Variants in ITPR2 observed in about 807,000 individuals in gnomAD.
ITPR2 encodes inositol 1,4,5-trisphosphate-gated calcium channel ITPR2.
Under a neutral mutation model 317.1 loss-of-function variants are expected in ITPR2, and 207 were observed. The observed-to-expected ratio is 0.65, with a 90% CI of 0.58 to 0.73. ITPR2 has a LOEUF of 0.73. Ranked by LOEUF, ITPR2 falls within the 30% of genes least tolerant of loss-of-function variation. ITPR2 has a pLI of 0.00. For synonymous variants in ITPR2, 1,156 were observed against 1,149.1 expected (o/e 1.01, Z -0.12); for missense variants, 2,613 against 3,284.0 (o/e 0.80, Z 4.99).
chr12:26,358,754 T>G (rs1938724717), intron 55 of ITPR2, among the ~76,000 whole-genome samples: 1 of 152,188 alleles, frequency 6.6e-6, no homozygotes, highest in African/African-American at 2.4e-5. Context: ...GGGCCTTAAG[T>G]GATCCAGTCT....
At chr12:26,565,742 G>A (rs1944941207) in intron 34 of ITPR2, among the ~76,000 whole-genome samples, 1 of 151,032 alleles carries the variant, frequency 6.6e-6, no homozygotes, top group Non-Finnish European at 1.5e-5. Flanking sequence ...GTTTGAGGTT[G>A]TAGTACACTG....
At chr12:26,440,249 A>G (rs944974679) in intron 46 of ITPR2, among the ~76,000 whole-genome samples, 2 of 152,112 alleles carry the variant, frequency 1.3e-5, no homozygotes, top group East Asian at 1.9e-4. Context: ...AACCAAATAC[A>G]CGAAAACAAA....
chr12:26,793,404 T>C (rs1950377147), intron 1 of ITPR2, among the ~76,000 whole-genome samples: 1 of 152,144 alleles, frequency 6.6e-6, no homozygotes, highest in Admixed American at 6.5e-5. Flanking sequence ...TGTCCAGACC[T>C]ATTAGAATAA....
At chr12:26,442,393 G>C (rs1289442882) in intron 46 of ITPR2, among the ~76,000 whole-genome samples, 1 of 152,092 alleles carries the variant, frequency 6.6e-6, no homozygotes, top group African/African-American at 2.4e-5. Context: ...AACATGTACT[G>C]AATGTGTGTA....
chr12:26,669,882 C>G (rs1365930667), intron 13 of ITPR2, among the ~76,000 whole-genome samples: 1 of 152,246 alleles, frequency 6.6e-6, no homozygotes, highest in Non-Finnish European at 1.5e-5. Flanking sequence ...AAAAACGGCG[C>G]ACCAGGAGAT....
chr12:26,340,236 C>T lies in ITPR2; in HGVS notation c.7950G>A (p.Gln2650=). The T allele has an allele frequency of 1.2e-6, 2 of 1,611,318 alleles. No individual in the cohort carries two copies. Among genetic ancestry groups the T allele is most frequent in the Non-Finnish European group, 1.7e-6 (2 of 1,178,856 alleles). The change falls in exon 56 of 57, where the codon CAG becomes CAA. Residue 2650 remains glutamine (Q), a synonymous_variant. Coordinates refer to ENST00000381340, the MANE Select transcript of ITPR2 (RefSeq NM_002223.4). ...GACTCATGGTCGATTCCAACTTCTC[C>T]TGAAGGCTCCGAATTTCATTTTGCT... ...DSEQNEIRSL[Q]EKLESTMSLV...
intron 55 of ITPR2, among the ~76,000 whole-genome samples, chr12:26,349,592 A>T (rs1422102960): frequency 1.3e-5 from 2 of 152,258 alleles, no homozygotes; most frequent in Non-Finnish European, 2.9e-5. Flanking sequence ...AAATTTGTGA[A>T]TTTTTACAAA....
rs116472421 is a variant in ITPR2 at position 26,521,662 on chromosome 12, T to A, written c.5074-26402A>T. 5.5e-3 allele frequency among the ~76,000 whole-genome samples: 844 copies of A among 152,094 alleles called. 9 individuals carry two copies. Among genetic ancestry groups the A allele is most frequent in the African/African-American group, 0.019 (792 of 41,502 alleles). ...TCGTAAAAAGAGTGGGAGGGAGGAA[T>A]GAAGAAAGGAGAGATGCTCAGGGAG... On this transcript the variant is annotated intron_variant, in intron 37 of 56. Transcript: ENST00000381340.
chr12:26,409,625 C>CT (rs1422032106), intron 52 of ITPR2, among the ~76,000 whole-genome samples: 4 of 151,976 alleles, frequency 2.6e-5, no homozygotes, highest in Non-Finnish European at 4.4e-5. Flanking sequence ...TACAATCATT[C>CT]TTAGCTCAAC....
intron 37 of ITPR2, among the ~76,000 whole-genome samples, chr12:26,509,384 T>C (rs1943269575): frequency 6.6e-6 from 1 of 152,212 alleles, no homozygotes; most frequent in Non-Finnish European, 1.5e-5. Context: ...GGGTGAATTT[T>C]ATAGTATGTG....
At chr12:26,439,655 A>G (rs1022334671) in intron 46 of ITPR2, among the ~76,000 whole-genome samples, 10 of 152,216 alleles carry the variant, frequency 6.6e-5, no homozygotes, top group African/African-American at 2.4e-4. Flanking sequence ...TCTTAATTAG[A>G]AAGTGATTGG....
chr12:26,781,816 C>T (rs2137179906), intron 2 of ITPR2, among the ~76,000 whole-genome samples: 1 of 151,888 alleles, frequency 6.6e-6, no homozygotes, highest in South Asian at 2.1e-4. Context: ...CCAGCACGGC[C>T]AGAATATAAA....
At chr12:26,671,814 G>T (rs1282079741) in intron 13 of ITPR2, among the ~76,000 whole-genome samples, 1 of 152,158 alleles carries the variant, frequency 6.6e-6, no homozygotes, top group Non-Finnish European at 1.5e-5. Context: ...TATCTCACGT[G>T]CAGAGACACA....
At chr12:26,826,698 A>T (rs979707573) in intron 1 of ITPR2, among the ~76,000 whole-genome samples, 22 of 152,182 alleles carry the variant, frequency 1.4e-4, no homozygotes, top group African/African-American at 5.1e-4. Context: ...GGCGATCCTG[A>T]GAAGAAACCT....
intron 2 of ITPR2, among the ~76,000 whole-genome samples, chr12:26,741,970 A>C (rs1949237512): frequency 6.6e-6 from 1 of 152,206 alleles, no homozygotes; most frequent in Admixed American, 6.5e-5. Context: ...GAAAGAAGAT[A>C]AGTCAGTCCT....
At chr12:26,745,774 C>T (rs557128422) in intron 2 of ITPR2, among the ~76,000 whole-genome samples, 63 of 152,290 alleles carry the variant, frequency 4.1e-4, no homozygotes, top group African/African-American at 1.5e-3. Context: ...AAGAGGATTA[C>T]ACCAGAATGG....
chr12:26,631,974 G>A lies in ITPR2; in HGVS notation c.2826C>T (p.Ser942=), dbSNP rs547097786. The change falls in exon 22 of 57, where the codon AGC becomes AGT. Residue 942 remains serine (S), a synonymous_variant. Coordinates refer to ENST00000381340, the MANE Select transcript of ITPR2 (RefSeq NM_002223.4). ...GGATGCTGGGTGGCACATCCGGCAC[G>A]CTCATGGGGAAGATGGAGCCTCTAC... is the stretch of plus-strand genomic sequence containing the variant. ...VLSRGSIFPM[S]VPDVPPSIHP... The A allele has an allele frequency of 1.6e-5, 26 of 1,613,536 alleles. No individual in the cohort carries two copies. The Admixed American group carries it at 3.2e-4, about 20-fold the overall frequency.
chr12:26,672,433 C>A (rs1947800475), intron 13 of ITPR2, among the ~76,000 whole-genome samples: 1 of 152,052 alleles, frequency 6.6e-6, no homozygotes, highest in African/African-American at 2.4e-5. Flanking sequence ...AACTGAAAAA[C>A]CTGCTCCTGA....
chr12:26,805,438 TTCA>T (rs1472560105), intron 1 of ITPR2, among the ~76,000 whole-genome samples: 1 of 152,246 alleles, frequency 6.6e-6, no homozygotes, highest in African/African-American at 2.4e-5. Flanking sequence ...TATCGCCATT[TTCA>T]TCATCATTAT....
Sources: allele counts gnomAD v4.1 joint callset (sites outside exome capture counted in the v4.1 genomes callset), GRCh38; gene constraint gnomAD v4.1.1; transcripts MANE v1.5; gene names NCBI Gene and HGNC (gene_info 2026-07-23, HGNC 2026-07-21).